RFX7: variants seen among roughly 807,000 people sequenced by gnomAD.
RFX7 encodes the protein regulatory factor X7, also known as DNA-binding protein RFX7.
RFX7 carries 26 observed loss-of-function variants against 111.8 expected under a neutral mutation model. The observed-to-expected ratio is 0.23, with a 90% CI of 0.17 to 0.32. The LOEUF (loss-of-function observed/expected upper bound fraction) is 0.32, where lower values mean the gene tolerates loss of function less well. Among genes scored for constraint, RFX7 ranks in the 10% least tolerant of loss-of-function variants. The probability of loss-of-function intolerance (pLI) is 1.00; values close to 1 mark genes in which losing one functional copy is unlikely to be tolerated. For synonymous variants in RFX7, 624 were observed against 624.4 expected (o/e 1.00, Z 0.01); for missense variants, 1,573 against 1,772.9 (o/e 0.89, Z 2.02).
At chr15:56,239,262 G>A (rs981654807) in intron 2 of RFX7, among the ~76,000 whole-genome samples, 1 of 151,312 alleles carries the variant, frequency 6.6e-6, no homozygotes, top group Non-Finnish European at 1.5e-5. Flanking sequence ...ATAACCTGAA[G>A]GTAATTTTTA....
chr15:56,096,722 TA>T, intron 9 of RFX7, 102 bp from the exon 10 acceptor site: 1 of 1,303,162 alleles, frequency 7.7e-7, no homozygotes, highest in Non-Finnish European at 1.0e-6. Flanking sequence ...ATGTTAATGT[TA>T]AAAAGAAAAA....
At chr15:56,119,834 G>A (rs1365298837) in intron 5 of RFX7, among the ~76,000 whole-genome samples, 1 of 150,514 alleles carries the variant, frequency 6.6e-6, no homozygotes, top group African/African-American at 2.4e-5. Flanking sequence ...GTATGAATTT[G>A]TTTCTGGGTT....
intron 1 of RFX7, 22 bp downstream of exon 1, chr15:56,243,423 G>A: frequency 1.8e-6 from 2 of 1,135,262 alleles, no homozygotes; most frequent in Non-Finnish European, 2.2e-6. Context: ...GAGGAAGGAA[G>A]CTGGATAAGC....
At chr15:56,107,954 A>G (rs951409840) in intron 5 of RFX7, among the ~76,000 whole-genome samples, 27 of 152,370 alleles carry the variant, frequency 1.8e-4, no homozygotes, top group African/African-American at 6.5e-4. Context: ...TAGAAAATCT[A>G]GAAGAAATGG....
At chr15:56,123,319 G>A (rs2042101475) in intron 5 of RFX7, among the ~76,000 whole-genome samples, 1 of 152,158 alleles carries the variant, frequency 6.6e-6, no homozygotes, top group Non-Finnish European at 1.5e-5. Flanking sequence ...CATCAACGTA[G>A]TGGGTTCCCT....
Position 56,096,117 on chromosome 15 carries a change from G to A in RFX7, c.1611C>T (p.Val537=), listed in dbSNP as rs1273543457. The A allele has an allele frequency of 6.2e-7, 1 of 1,613,628 alleles. No individual in the cohort carries two copies. Among genetic ancestry groups the A allele is most frequent in the East Asian group, 2.2e-5 (1 of 44,868 alleles). Residue 537 remains valine, a synonymous_variant, in exon 10 of 10, where the codon GTC becomes GTT. Coordinates refer to ENST00000559447, the MANE Select transcript of RFX7 (RefSeq NM_022841.7). Reference sequence around the variant, plus strand: ...CTGATGATGTTTCGGGTTCCACTTTGACTTCCACAGCAGATGTTCCCCCCG... The same window carrying A: ...CTGATGATGTTTCGGGTTCCACTTTAACTTCCACAGCAGATGTTCCCCCCG... ...SSAGGTSAVE[V]KVEPETSSDE...
chr15:56,203,010 T>G (rs2043209374), intron 2 of RFX7, among the ~76,000 whole-genome samples: 1 of 152,122 alleles, frequency 6.6e-6, no homozygotes, highest in African/African-American at 2.4e-5. Flanking sequence ...GATCAGTATC[T>G]CAATATCTGC....
intron 5 of RFX7, among the ~76,000 whole-genome samples, chr15:56,126,824 C>G (rs2042151698): frequency 6.6e-6 from 1 of 152,036 alleles, no homozygotes; most frequent in African/African-American, 2.4e-5. Context: ...CACCAAGAAG[C>G]TGTAACAATC....
Position 56,094,907 on chromosome 15 carries a change from T to G in RFX7, c.2821A>C (p.Asn941His). Residue 941 changes from asparagine to histidine, a missense_variant, in exon 10 of 10, where the codon AAT becomes CAT. Physicochemically the swap from Asn to His is moderately conservative, Grantham distance 68 (BLOSUM62 1). Coordinates refer to ENST00000559447, the MANE Select transcript of RFX7 (RefSeq NM_022841.7). ...STHFYHPIHS[N>H]GTPIHTPTPT... is the part of the protein sequence containing the mutation. Reference sequence around the variant, plus strand: ...GTGGGTGTGTGGATTGGAGTGCCATTGCTGTGGATTGGATGATAGAAGTGG... The same window carrying G: ...GTGGGTGTGTGGATTGGAGTGCCATGGCTGTGGATTGGATGATAGAAGTGG... The G allele has an allele frequency of 2.5e-6, 4 of 1,576,954 alleles. No homozygotes were observed. Among genetic ancestry groups the G allele is most frequent in the Non-Finnish European group, 1.7e-6 (2 of 1,161,218 alleles).
chr15:56,225,549 A>G (rs192859769), intron 2 of RFX7, among the ~76,000 whole-genome samples: 1 of 152,306 alleles, frequency 6.6e-6, no homozygotes, highest in Admixed American at 6.5e-5. Context: ...CTGAAAATGT[A>G]GGTAATTCAC....
chr15:56,226,652 A>G (rs189613843), intron 2 of RFX7, among the ~76,000 whole-genome samples: 174 of 152,338 alleles, frequency 1.1e-3, no homozygotes, highest in East Asian at 2.5e-3. Flanking sequence ...CAAAGATGGA[A>G]TAAGAAAGTA....
At chr15:56,208,748 A>C (rs141237432) in intron 2 of RFX7, among the ~76,000 whole-genome samples, 1 of 152,310 alleles carries the variant, frequency 6.6e-6, no homozygotes, top group Non-Finnish European at 1.5e-5. Flanking sequence ...TAGAAACACT[A>C]CCAGAAATGT....
At chr15:56,163,105 T>A (rs764174978) in intron 3 of RFX7, among the ~76,000 whole-genome samples, 1 of 152,140 alleles carries the variant, frequency 6.6e-6, no homozygotes, top group African/African-American at 2.4e-5. Flanking sequence ...TCTGTGTCGG[T>A]GAGTTGACCT....
rs184343427 is a variant in RFX7, at chr15:56,221,747, C to T, written c.161+21378G>A. 3.3e-5 allele frequency among the ~76,000 whole-genome samples: 5 copies of T among 152,244 alleles called. No individual in the cohort carries two copies. The East Asian group carries it at 9.6e-4, about 29-fold the overall frequency. On this transcript the variant is annotated intron_variant, in intron 2 of 9. Transcript: ENST00000559447. The stretch of plus-strand genomic sequence containing the variant: ...TACAATATATATCCTTAATCTATCA[C>T]AGTCTACCTTCACTTAATATTGTAA...
At chr15:56,231,525 T>G (rs2043557801) in intron 2 of RFX7, among the ~76,000 whole-genome samples, 1 of 152,124 alleles carries the variant, frequency 6.6e-6, no homozygotes, top group African/African-American at 2.4e-5. Context: ...CGTCCCATGA[T>G]TCAATTATCT....
At chr15:56,159,347 G>A (rs745670359) in intron 3 of RFX7, among the ~76,000 whole-genome samples, 2 of 152,106 alleles carry the variant, frequency 1.3e-5, no homozygotes, top group African/African-American at 2.4e-5. Flanking sequence ...GACGTATTTC[G>A]CCTGGTAATC....
chr15:56,137,925 T>C (rs1340226519), intron 5 of RFX7, among the ~76,000 whole-genome samples: 2 of 152,086 alleles, frequency 1.3e-5, no homozygotes, highest in South Asian at 2.1e-4. Context: ...TTGAGTGGTT[T>C]TGAGTGAGAT....
At chr15:56,171,849 A>G (rs1595985058) in intron 3 of RFX7, among the ~76,000 whole-genome samples, 1 of 152,184 alleles carries the variant, frequency 6.6e-6, no homozygotes, top group East Asian at 1.9e-4. Context: ...AAAGAGTTGG[A>G]TTATATGGGC....
At chr15:56,127,947 A>T (rs2042166675) in intron 5 of RFX7, among the ~76,000 whole-genome samples, 1 of 152,136 alleles carries the variant, frequency 6.6e-6, no homozygotes, top group South Asian at 2.1e-4. Context: ...ATGAAAACGG[A>T]GGTATTAACT....
Sources: gnomAD v4.1 joint callset for allele counts (sites outside exome capture counted in the v4.1 genomes callset) on GRCh38, gnomAD v4.1.1 for gene constraint, MANE v1.5 for transcripts, NCBI Gene and HGNC (gene_info 2026-07-23, HGNC 2026-07-21) for gene names.